Variants in SEMA3A observed in about 807,000 individuals in gnomAD.
SEMA3A encodes the protein semaphorin 3A, also known as semaphorin-3A.
In SEMA3A, 29 loss-of-function variants were observed where a neutral mutation model predicts 97.9. The ratio of observed to expected loss-of-function variants is 0.30; its 90% CI spans 0.22 to 0.40. SEMA3A has a LOEUF of 0.40. Among genes scored for constraint, SEMA3A ranks in the 10% least tolerant of loss-of-function variants. SEMA3A has a pLI of 1.00. For missense variants in SEMA3A, 763 were observed against 951.3 expected, an observed-to-expected ratio of 0.80 and a Z score of 2.60; for synonymous variants, 321 against 323.7, an observed-to-expected ratio of 0.99 and a Z score of 0.09.
chr7:83,971,362 G>A (rs571409161), intron 15 of SEMA3A, among the ~76,000 whole-genome samples: 8 of 151,536 alleles, frequency 5.3e-5, no homozygotes, highest in Non-Finnish European at 8.8e-5. Context: ...AACCCGGGAC[G>A]CAGAGGTTGC....
chr7:84,120,994 G>A (rs1795594279), intron 3 of SEMA3A, among the ~76,000 whole-genome samples: 1 of 152,094 alleles, frequency 6.6e-6, no homozygotes, highest in Non-Finnish European at 1.5e-5. Context: ...AGGAACTCTG[G>A]ATGAAAAAAC....
chr7:84,491,930 CTT>C (rs996405978), intron 1 of SEMA3A, among the ~76,000 whole-genome samples: 3 of 152,168 alleles, frequency 2.0e-5, no homozygotes, highest in Admixed American at 1.3e-4. Context: ...ACCTAATACT[CTT>C]TTAGAGTTTT....
At chr7:84,327,877 G>A (rs538799261) in intron 2 of SEMA3A, among the ~76,000 whole-genome samples, 1 of 151,942 alleles carries the variant, frequency 6.6e-6, no homozygotes, top group South Asian at 2.1e-4. Flanking sequence ...TTTCCTTTTC[G>A]CTAGATTTTT....
chr7:84,453,797 T>C (rs1427177929), intron 1 of SEMA3A, among the ~76,000 whole-genome samples: 1 of 152,312 alleles, frequency 6.6e-6, no homozygotes, highest in East Asian at 1.9e-4. Flanking sequence ...TGTTTGCTAA[T>C]TTGCAGAGGA....
At position 84,220,275 on chromosome 7, in the gene SEMA3A, C is replaced by A. The variant is rs78680651; in HGVS notation, c.-82-25607G>T. ...GTAATTCAGTTACATCTTTAGGCTA[C>A]ATTTTTAATTCCAGTTCTCTTGATA... On this transcript the variant is annotated intron_variant, in intron 3 of 3. Coordinates refer to the SEMA3A transcript ENST00000424555. Among the ~76,000 whole-genome samples, 1,285 of 152,300 alleles carry A rather than the reference C, an allele frequency of 8.4e-3. 7 individuals carry two copies. Among genetic ancestry groups the A allele is most frequent in the Non-Finnish European group, 0.013 (905 of 68,014 alleles).
At chr7:84,482,534 T>C (rs530037720) in intron 1 of SEMA3A, among the ~76,000 whole-genome samples, 8 of 152,298 alleles carry the variant, frequency 5.3e-5, no homozygotes, top group South Asian at 2.1e-4. Flanking sequence ...AAAAAAACAG[T>C]TGGAGTCAGT....
At chr7:84,276,410 GAT>G (rs1460297818) in intron 3 of SEMA3A, among the ~76,000 whole-genome samples, 1 of 151,686 alleles carries the variant, frequency 6.6e-6, no homozygotes. Context: ...CCTTATAATT[GAT>G]ATATATATAG....
In SEMA3A at chr7:83,986,664, C is replaced by T. The variant is rs114060551; in HGVS notation, c.1453-1187G>A. Among the ~76,000 whole-genome samples the T allele has an allele frequency of 1.8e-3, 279 of 152,160 alleles. 2 individuals carry two copies. Among genetic ancestry groups the T allele is most frequent in the African/African-American group, 6.5e-3 (268 of 41,514 alleles). On this transcript the variant is annotated intron_variant, in intron 12 of 16. Transcript: ENST00000265362. ...TGATAAGAAAGAGGCTTAGGTGGAA[C>T]GATGGATCTTAAAAGACCTCACTGT... is the stretch of plus-strand genomic sequence containing the variant.
intron 6 of SEMA3A, among the ~76,000 whole-genome samples, chr7:84,042,150 G>A (rs748798858): frequency 3.3e-5 from 5 of 152,172 alleles, no homozygotes; most frequent in East Asian, 1.9e-4. Flanking sequence ...AAGAGAGTAC[G>A]AAATATCCTA....
rs190279251 is a variant in SEMA3A, at chr7:84,211,007, G to A, written c.-82-16339C>T. ...ATCTGGAACAGAACAAAAACTTTTT[G>A]TTCATGTTTTTTATGAATGAATCAG... On this transcript the variant is annotated intron_variant, in intron 3 of 3. Transcript: ENST00000424555. Among the ~76,000 whole-genome samples, 730 of 152,064 alleles carry A rather than the reference G, an allele frequency of 4.8e-3. 7 individuals are homozygous for A. Among genetic ancestry groups the A allele is most frequent in the African/African-American group, 0.016 (682 of 41,500 alleles).
chr7:84,344,446 C>T (rs1012467815), intron 2 of SEMA3A, among the ~76,000 whole-genome samples: 12 of 152,034 alleles, frequency 7.9e-5, no homozygotes, highest in African/African-American at 2.9e-4. Flanking sequence ...GAGTGCAGTG[C>T]AGAGAAGGAG....
At chr7:84,012,593 C>T (rs151037526) in intron 7 of SEMA3A, among the ~76,000 whole-genome samples, 7 of 152,216 alleles carry the variant, frequency 4.6e-5, no homozygotes, top group East Asian at 3.9e-4. Flanking sequence ...AACAAAAGCA[C>T]GCTAGCATCA....
chr7:84,023,620 G>T (rs985545038), intron 6 of SEMA3A, among the ~76,000 whole-genome samples: 1 of 152,122 alleles, frequency 6.6e-6, no homozygotes, highest in Non-Finnish European at 1.5e-5. Flanking sequence ...AGCAGGGAAG[G>T]CGGAACATAT....
At chr7:84,294,609 C>T (rs905562492) in intron 3 of SEMA3A, among the ~76,000 whole-genome samples, 11 of 151,926 alleles carry the variant, frequency 7.2e-5, no homozygotes, top group Non-Finnish European at 1.0e-4. Context: ...TATAATATTG[C>T]TCTCATGATG....
intron 1 of SEMA3A, among the ~76,000 whole-genome samples, chr7:84,147,288 G>A (rs1043322541): frequency 3.9e-5 from 6 of 152,164 alleles, no homozygotes; most frequent in Non-Finnish European, 7.3e-5. Flanking sequence ...TTGTTCTAAT[G>A]CTGAGCAAAA....
rs201176123 is a variant in SEMA3A, at chr7:84,046,346, C to T, written c.645G>A (p.Gln215=). Residue 215 remains glutamine (Q), a synonymous_variant, in exon 6 of 17, where the codon CAG becomes CAA. Transcript: ENST00000265362. ...TACCATTGAGCCACCTGGAATCATG[C>T]TGCTCTGTCCTGATTGGGTGGTGGT... The part of the protein sequence containing the change: ...LGHHHPIRTE[Q]HDSRWLNDPK... 334 of 1,612,940 alleles carry T rather than the reference C, an allele frequency of 2.1e-4. No homozygotes were observed. Among genetic ancestry groups the T allele is most frequent in the Non-Finnish European group, 2.6e-4 (305 of 1,179,306 alleles).
chr7:84,104,406 A>G (rs968479170), intron 4 of SEMA3A, among the ~76,000 whole-genome samples: 1 of 152,128 alleles, frequency 6.6e-6, no homozygotes, highest in Non-Finnish European at 1.5e-5. Flanking sequence ...TTCTATTTCT[A>G]TCTGTCACTG....
chr7:84,123,124 A>G (rs1295402839), intron 3 of SEMA3A, among the ~76,000 whole-genome samples: 1 of 152,176 alleles, frequency 6.6e-6, no homozygotes, highest in African/African-American at 2.4e-5. Context: ...GAAGATTCAG[A>G]GAGCTATTGA....
At chr7:84,444,863 TG>T (rs1352377871) in intron 1 of SEMA3A, among the ~76,000 whole-genome samples, 1 of 152,138 alleles carries the variant, frequency 6.6e-6, no homozygotes, top group Non-Finnish European at 1.5e-5. Flanking sequence ...TTTTCTTATT[TG>T]TAAACTGCTC....
Sources: gnomAD v4.1 joint callset for allele counts (sites outside exome capture counted in the v4.1 genomes callset) on GRCh38, gnomAD v4.1.1 for gene constraint, MANE v1.5 for transcripts, NCBI Gene and HGNC (gene_info 2026-07-23, HGNC 2026-07-21) for gene names.